Variants in CORIN observed in about 807,000 individuals in gnomAD.
The protein encoded by CORIN is atrial natriuretic peptide-converting enzyme.
In CORIN, 117 loss-of-function variants were observed where a neutral mutation model predicts 125.3. That is an observed-to-expected ratio of 0.93 (90% CI 0.80 to 1.09). The LOEUF (loss-of-function observed/expected upper bound fraction) is 1.09. CORIN is among the 50% of genes least tolerant of loss of function. The pLI, the probability that CORIN is intolerant of heterozygous loss-of-function variation, is 0.00. For synonymous variants in CORIN, 450 were observed against 466.4 expected, an observed-to-expected ratio of 0.96 and a Z score of 0.45; for missense variants, 1,253 against 1,306.7, an observed-to-expected ratio of 0.96 and a Z score of 0.63.
chr4:47,726,284 AC>A (rs1188106868), intron 5 of CORIN, among the ~76,000 whole-genome samples: 2 of 152,148 alleles, frequency 1.3e-5, no homozygotes, highest in African/African-American at 4.8e-5. Context: ...TTTCACAATT[AC>A]CAAAAAACTG....
At chr4:47,714,169 G>T (rs1455502868) in intron 5 of CORIN, among the ~76,000 whole-genome samples, 3 of 152,168 alleles carry the variant, frequency 2.0e-5, no homozygotes, top group Non-Finnish European at 4.4e-5. Context: ...AAGATTAAAA[G>T]AAATACAGTA....
chr4:47,672,619 CGT>C (rs765384960), intron 10 of CORIN, among the ~76,000 whole-genome samples: 25 of 150,682 alleles, frequency 1.7e-4, no homozygotes, highest in Middle Eastern at 3.4e-3. Flanking sequence ...ATATGTTATA[CGT>C]GTGTGTGTGT....
chr4:47,750,043 T>C (rs1728830739), intron 4 of CORIN, among the ~76,000 whole-genome samples: 1 of 152,192 alleles, frequency 6.6e-6, no homozygotes, highest in Non-Finnish European at 1.5e-5. Flanking sequence ...CCTTGCACAA[T>C]CTATGAGCAA....
At chr4:47,601,272 A>G (rs1231860243) in intron 20 of CORIN, among the ~76,000 whole-genome samples, 4 of 151,958 alleles carry the variant, frequency 2.6e-5, no homozygotes, top group Admixed American at 2.6e-4. Context: ...TAAGCTTGAA[A>G]GTTATACAGT....
At chr4:47,682,134 T>C (rs1031306142) in intron 7 of CORIN, 7 of 152,102 alleles carry the variant, frequency 4.6e-5, no homozygotes, top group African/African-American at 1.7e-4. Context: ...CAGAAGGGTA[T>C]GGAGGAGGAG....
intron 16 of CORIN, among the ~76,000 whole-genome samples, chr4:47,637,137 C>T (rs530633823): frequency 1.3e-5 from 2 of 152,190 alleles, no homozygotes; most frequent in Non-Finnish European, 2.9e-5. Context: ...TTTGCCCCTG[C>T]CCTAGAGATT....
At chr4:47,809,396 CTTTTT>C (rs374248975) in intron 1 of CORIN, among the ~76,000 whole-genome samples, 1 of 107,362 alleles carries the variant, frequency 9.3e-6, no homozygotes, top group East Asian at 3.0e-4. Flanking sequence ...GAATTGATTG[CTTTTT>C]TTTTTTTTTT....
chr4:47,770,117 G>A (rs1194708997), intron 3 of CORIN, among the ~76,000 whole-genome samples: 2 of 152,032 alleles, frequency 1.3e-5, no homozygotes, highest in Non-Finnish European at 2.9e-5. Context: ...CACCTGATAA[G>A]GGGTTAATAT....
intron 10 of CORIN, among the ~76,000 whole-genome samples, chr4:47,670,746 C>T (rs1724714322): frequency 6.6e-6 from 1 of 152,078 alleles, no homozygotes; most frequent in African/African-American, 2.4e-5. Flanking sequence ...GATTGCATAC[C>T]ACAAGGGAGA....
intron 19 of CORIN, among the ~76,000 whole-genome samples, chr4:47,622,852 C>T (rs1482594231): frequency 6.6e-6 from 1 of 151,970 alleles, no homozygotes; most frequent in East Asian, 1.9e-4. Context: ...CAAAACAAAC[C>T]TTTGTTTGTC....
intron 6 of CORIN, among the ~76,000 whole-genome samples, chr4:47,685,579 T>C (rs529369379): frequency 2.6e-5 from 4 of 152,292 alleles, no homozygotes; most frequent in African/African-American, 4.8e-5. Flanking sequence ...TAGAACTGTA[T>C]TGTGCGGTTA....
intron 13 of CORIN, among the ~76,000 whole-genome samples, chr4:47,650,182 A>G (rs1723677395): frequency 6.6e-6 from 1 of 152,260 alleles, no homozygotes. Context: ...GATCAAGAGG[A>G]GACCAAAGAT....
At chr4:47,757,949 C>T (rs1729260413) in intron 4 of CORIN, among the ~76,000 whole-genome samples, 1 of 146,532 alleles carries the variant, frequency 6.8e-6, no homozygotes, top group Admixed American at 6.9e-5. Context: ...AGTCTCACTC[C>T]ATCGTCCAGG....
chr4:47,759,428 T>G (rs1729344597), intron 4 of CORIN, among the ~76,000 whole-genome samples: 1 of 152,086 alleles, frequency 6.6e-6, no homozygotes, highest in South Asian at 2.1e-4. Flanking sequence ...AGAGACAACC[T>G]ATGGAATGGG....
chr4:47,750,335 C>A (rs1412169815), intron 4 of CORIN, among the ~76,000 whole-genome samples: 1 of 152,074 alleles, frequency 6.6e-6, no homozygotes, highest in East Asian at 1.9e-4. Flanking sequence ...ATAATGGAAG[C>A]ATTTGTGGTA....
At chr4:47,712,857 A>G (rs2109780625) in intron 5 of CORIN, among the ~76,000 whole-genome samples, 1 of 152,310 alleles carries the variant, frequency 6.6e-6, no homozygotes, top group East Asian at 1.9e-4. Context: ...AGAAAGAAGA[A>G]ACCAAGAATT....
At chr4:47,804,999 G>A (rs1297919998) in intron 2 of CORIN, among the ~76,000 whole-genome samples, 1 of 151,420 alleles carries the variant, frequency 6.6e-6, no homozygotes, top group Admixed American at 6.6e-5. Context: ...AGCCGGGCGT[G>A]GTGGCGGGCG....
At chr4:47,788,755 T>G (rs1235625992) in intron 2 of CORIN, among the ~76,000 whole-genome samples, 2 of 152,218 alleles carry the variant, frequency 1.3e-5, no homozygotes, top group Non-Finnish European at 2.9e-5. Context: ...GTAATGAATA[T>G]ATAGGCCCAT....
At chr4:47,670,201 A>T (rs778532027) in intron 10 of CORIN, among the ~76,000 whole-genome samples, 10 of 152,160 alleles carry the variant, frequency 6.6e-5, no homozygotes, top group Non-Finnish European at 1.3e-4. Context: ...CTGTTCTTTC[A>T]CCAGAAGCCA....
Sources: gnomAD v4.1 joint callset for allele counts (sites outside exome capture counted in the v4.1 genomes callset) on GRCh38, gnomAD v4.1.1 for gene constraint, MANE v1.5 for transcripts, NCBI Gene and HGNC (gene_info 2026-07-23, HGNC 2026-07-21) for gene names.